Variants in SH3PXD2A observed in about 807,000 individuals in gnomAD.
SH3PXD2A encodes SH3 and PX domain-containing protein 2A.
In SH3PXD2A, 32 loss-of-function variants were observed where a neutral mutation model predicts 115.2. The ratio of observed to expected loss-of-function variants is 0.28; its 90% CI spans 0.21 to 0.37. The LOEUF (loss-of-function observed/expected upper bound fraction) is 0.37, where lower values mean the gene tolerates loss of function less well. Among genes scored for constraint, SH3PXD2A ranks in the 10% least tolerant of loss-of-function variants. The pLI is 1.00. For synonymous variants in SH3PXD2A, 610 were observed against 629.1 expected, an observed-to-expected ratio of 0.97 and a Z score of 0.45; for missense variants, 1,328 against 1,498.7, an observed-to-expected ratio of 0.89 and a Z score of 1.88.
At chr10:103,836,165 G>T (rs1243731987) in intron 1 of SH3PXD2A, among the ~76,000 whole-genome samples, 5 of 152,094 alleles carry the variant, frequency 3.3e-5, no homozygotes, top group East Asian at 3.8e-4. Flanking sequence ...AAAGATCAAA[G>T]GTGGTTATTG....
At chr10:103,616,569 A>G (rs2036521673) in intron 11 of SH3PXD2A, among the ~76,000 whole-genome samples, 2 of 152,212 alleles carry the variant, frequency 1.3e-5, no homozygotes, top group African/African-American at 4.8e-5. Flanking sequence ...TACGCTGGGA[A>G]CTGTGATTAG....
At chr10:103,649,054 C>T (rs1315667917) in intron 8 of SH3PXD2A, among the ~76,000 whole-genome samples, 1 of 152,226 alleles carries the variant, frequency 6.6e-6, no homozygotes, top group African/African-American at 2.4e-5. Context: ...CGGGGAAGAG[C>T]TGGCTGAAGG....
intron 2 of SH3PXD2A, among the ~76,000 whole-genome samples, chr10:103,790,154 ACTTT>A (rs1282879296): frequency 4.0e-5 from 6 of 148,646 alleles, no homozygotes; most frequent in Admixed American, 4.0e-4. Context: ...CAGAAAGAGG[ACTTT>A]CTTTTTTTTT....
rs59177636 is a variant in SH3PXD2A at position 103,605,714 on chromosome 10, T to C, written c.1428+84A>G. On this transcript the variant is annotated intron_variant, in intron 14 of 14. Transcript: ENST00000369774. The stretch of plus-strand genomic sequence containing the variant: ...CTGCCTGCCTGCCCCTCAGGAATCT[T>C]ACTAGCAAGGCCTAAAATGGGAAAT... The C allele has an allele frequency of 2.1e-3, 3,340 of 1,568,280 alleles. 50 individuals are homozygous for C. In the African/African-American group the frequency reaches 0.035, roughly 17 times the overall value.
intron 5 of SH3PXD2A, 78 bp from the exon 6 acceptor site, chr10:103,693,134 G>C: frequency 7.7e-7 from 1 of 1,294,628 alleles, no homozygotes; most frequent in Non-Finnish European, 1.1e-6. Flanking sequence ...GGGCGCCCTC[G>C]GGCTGGCTGC....
At chr10:103,799,968 G>A (rs2039131531) in intron 2 of SH3PXD2A, among the ~76,000 whole-genome samples, 1 of 152,100 alleles carries the variant, frequency 6.6e-6, no homozygotes, top group African/African-American at 2.4e-5. Context: ...TCATAGGTAG[G>A]GCAATGAGGA....
intron 1 of SH3PXD2A, among the ~76,000 whole-genome samples, chr10:103,834,250 T>A (rs1211727182): frequency 1.3e-5 from 2 of 152,064 alleles, no homozygotes; most frequent in Admixed American, 1.3e-4. Context: ...GGCCACCACA[T>A]GGAAGGAATC....
chr10:103,655,878 T>C (rs747533861), intron 8 of SH3PXD2A, among the ~76,000 whole-genome samples: 2 of 144,590 alleles, frequency 1.4e-5, no homozygotes, highest in African/African-American at 5.1e-5. Context: ...CTAAGCTCCA[T>C]AAAGGCAGGA....
chr10:103,649,168 G>A (rs572601817), intron 8 of SH3PXD2A, among the ~76,000 whole-genome samples: 7 of 152,200 alleles, frequency 4.6e-5, no homozygotes, highest in Non-Finnish European at 1.0e-4. Context: ...CTCCAGAACT[G>A]CAGAGATAAA....
chr10:103,695,452 T>C (rs2134135023), intron 5 of SH3PXD2A, among the ~76,000 whole-genome samples: 1 of 147,028 alleles, frequency 6.8e-6, no homozygotes, highest in South Asian at 2.2e-4. Context: ...AAGACTGCAG[T>C]GGGCTGTGGT....
rs2036126065 is a variant in SH3PXD2A at position 103,595,899 on chromosome 10, TG to T, written c.*5916del. 1 of 152,612 alleles carries T rather than the reference TG, an allele frequency of 6.6e-6. No individual in the cohort carries two copies. Among genetic ancestry groups the T allele is most frequent in the African/African-American group, 2.4e-5 (1 of 41,436 alleles). The allele number at this position is 152,612 out of a possible 1,614,324, so 9.5% of individuals were successfully genotyped here. On this transcript the variant is annotated 3_prime_UTR_variant, in exon 15 of 15. Coordinates refer to ENST00000369774, the MANE Select transcript of SH3PXD2A (RefSeq NM_001394015.1). ...AGGTTTGCAGGAGGGAAGTTAACAG[TG>T]GGGCTGTTTTTCCCCAAAGCTGTGG...
intron 5 of SH3PXD2A, among the ~76,000 whole-genome samples, chr10:103,718,546 C>T (rs984405320): frequency 2.6e-5 from 4 of 152,238 alleles, no homozygotes; most frequent in Non-Finnish European, 4.4e-5. Context: ...GGCCTGCCTC[C>T]CCACTTGGCT....
intron 6 of SH3PXD2A, among the ~76,000 whole-genome samples, chr10:103,678,959 C>T (rs1353790966): frequency 6.6e-6 from 1 of 152,218 alleles, no homozygotes; most frequent in East Asian, 1.9e-4. Context: ...CAGAACCACA[C>T]AGTAGGTGCT....
intron 3 of SH3PXD2A, among the ~76,000 whole-genome samples, chr10:103,744,183 C>T: frequency 7.2e-6 from 1 of 139,624 alleles, no homozygotes; most frequent in Non-Finnish European, 1.5e-5. Context: ...GACAGAGTTT[C>T]GCTCTTGTTG....
At chr10:103,738,652 T>G (rs1328689652) in intron 3 of SH3PXD2A, among the ~76,000 whole-genome samples, 1 of 152,152 alleles carries the variant, frequency 6.6e-6, no homozygotes, top group African/African-American at 2.4e-5. Context: ...ACTCCCGCCC[T>G]TTCTCATCCT....
chr10:103,772,537 T>A (rs983890137), intron 2 of SH3PXD2A, among the ~76,000 whole-genome samples: 1 of 152,232 alleles, frequency 6.6e-6, no homozygotes, highest in Non-Finnish European at 1.5e-5. Flanking sequence ...ATTTGGCTAA[T>A]GGAGCCCCTC....
rs188658723 is a variant in SH3PXD2A at position 103,788,959 on chromosome 10, C to T, written c.153+12323G>A. Among the ~76,000 whole-genome samples the T allele has an allele frequency of 7.9e-5, 12 of 152,278 alleles. No homozygotes were observed. In the East Asian group the frequency reaches 1.9e-3, roughly 24 times the overall value. ...CTGAAATCATCAGGAAGCTGAGGTC[C>T]AGCCTGGGGCGGGGGCTGCTGATGA... is the stretch of plus-strand genomic sequence containing the variant. On this transcript the variant is annotated intron_variant, in intron 2 of 14. Transcript: ENST00000369774.
At chr10:103,806,012 G>A (rs1293483039) in intron 1 of SH3PXD2A, among the ~76,000 whole-genome samples, 1 of 152,198 alleles carries the variant, frequency 6.6e-6, no homozygotes, top group Non-Finnish European at 1.5e-5. Context: ...ACAGCCACCC[G>A]GCTAGGATAC....
chr10:103,725,607 A>G (rs1290533686), intron 4 of SH3PXD2A, among the ~76,000 whole-genome samples: 2 of 152,256 alleles, frequency 1.3e-5, no homozygotes, highest in East Asian at 3.9e-4. Flanking sequence ...TGGGCAGATC[A>G]CTTGAGGTCA....
Sources: gnomAD v4.1 joint callset for allele counts (sites outside exome capture counted in the v4.1 genomes callset) on GRCh38, gnomAD v4.1.1 for gene constraint, MANE v1.5 for transcripts, NCBI Gene and HGNC (gene_info 2026-07-23, HGNC 2026-07-21) for gene names.